LHFPL6: variants seen among roughly 807,000 people sequenced by gnomAD.
LHFPL6 encodes LHFPL tetraspan subfamily member 6.
A neutral mutation model predicts 20.6 loss-of-function variants in LHFPL6; 9 were observed. The ratio of observed to expected loss-of-function variants is 0.44; its 90% CI spans 0.26 to 0.76. The LOEUF is 0.76. LHFPL6 is among the 30% of genes least tolerant of loss of function. The probability of loss-of-function intolerance (pLI) is 0.20; values close to 1 mark genes in which losing one functional copy is unlikely to be tolerated. For missense variants in LHFPL6, 218 were observed against 253.5 expected (o/e 0.86, Z 0.95); for synonymous variants, 105 against 98.7 (o/e 1.06, Z -0.38).
At chr13:39,365,446 T>C (rs1205346165) in intron 3 of LHFPL6, among the ~76,000 whole-genome samples, 5 of 152,170 alleles carry the variant, frequency 3.3e-5, no homozygotes, top group African/African-American at 1.2e-4. Context: ...TCCTTGATGA[T>C]CCCTTTTTGC....
At chr13:39,536,478 C>G (rs533641103) in intron 2 of LHFPL6, among the ~76,000 whole-genome samples, 4 of 152,288 alleles carry the variant, frequency 2.6e-5, no homozygotes, top group Non-Finnish European at 4.4e-5. Context: ...TCACTAGATT[C>G]AGCCTTCCTG....
At chr13:39,584,179 C>G (rs2138542338) in intron 2 of LHFPL6, among the ~76,000 whole-genome samples, 1 of 152,276 alleles carries the variant, frequency 6.6e-6, no homozygotes, top group East Asian at 1.9e-4. Flanking sequence ...TTCTGAGCAG[C>G]AATGTATCTC....
In LHFPL6 at chr13:39,426,057, A is replaced by G. The variant is rs185546188; in HGVS notation, c.386-47531T>C. On this transcript the variant is annotated intron_variant, in intron 2 of 3. Coordinates refer to ENST00000379589, the MANE Select transcript of LHFPL6 (RefSeq NM_005780.3). The stretch of plus-strand genomic sequence containing the variant: ...TCACTATTTTTATGTGTACAAGTGA[A>G]TGGCATTAAATAGATTTGCAATATT... 1.4e-4 allele frequency among the ~76,000 whole-genome samples: 22 copies of G among 152,280 alleles called. No homozygotes were observed. In the East Asian group the frequency reaches 4.1e-3, roughly 28 times the overall value.
At chr13:39,431,345 A>T (rs7329152) in intron 2 of LHFPL6, among the ~76,000 whole-genome samples, 2 of 151,814 alleles carry the variant, frequency 1.3e-5, no homozygotes, top group Non-Finnish European at 2.9e-5. Context: ...AACAAACTCC[A>T]GACACACCAT....
chr13:39,585,760 G>A (rs1159006850), intron 2 of LHFPL6, among the ~76,000 whole-genome samples: 7 of 152,072 alleles, frequency 4.6e-5, no homozygotes, highest in African/African-American at 1.7e-4. Context: ...GCCTCCTTTG[G>A]TTCTGAGGGC....
At chr13:39,421,763 A>AG (rs1277868738) in intron 2 of LHFPL6, among the ~76,000 whole-genome samples, 1 of 151,528 alleles carries the variant, frequency 6.6e-6, no homozygotes, top group Non-Finnish European at 1.5e-5. Context: ...AGAGGATGGA[A>AG]AAGGCTGAAA....
Position 39,343,799 on chromosome 13 carries a change from A to AT in LHFPL6, c.*136dup, listed in dbSNP as rs1331874461. 1 of 589,996 alleles carries AT rather than the reference A, an allele frequency of 1.7e-6. No individual in the cohort carries two copies. The highest frequency in any genetic ancestry group is 2.7e-5 in the Admixed American group (1 of 37,138). The allele number at this position is 589,996 out of a possible 1,614,324, so 36.5% of individuals were successfully genotyped here. A position where few individuals can be genotyped will look rare whatever the true frequency, so the allele number is the denominator to read the frequency against. On this transcript the variant is annotated 3_prime_UTR_variant, in exon 4 of 4. Coordinates refer to ENST00000379589, the MANE Select transcript of LHFPL6 (RefSeq NM_005780.3). ...CCTTCCTTCCTATATCATGTTCCTG[A>AT]TTTTATCGGGTTTCATTTTATTAGC...
At chr13:39,503,068 T>C (rs1869350862) in intron 2 of LHFPL6, among the ~76,000 whole-genome samples, 1 of 152,102 alleles carries the variant, frequency 6.6e-6, no homozygotes, top group African/African-American at 2.4e-5. Flanking sequence ...AATAAATGCA[T>C]TTTCAATTAC....
intron 2 of LHFPL6, among the ~76,000 whole-genome samples, chr13:39,389,259 G>C (rs1417764910): frequency 6.6e-6 from 1 of 152,174 alleles, no homozygotes; most frequent in Non-Finnish European, 1.5e-5. Flanking sequence ...ACTGGGTGGG[G>C]AACTAGTGGG....
intron 2 of LHFPL6, among the ~76,000 whole-genome samples, chr13:39,418,382 CTT>C (rs71077297): frequency 5.4e-5 from 7 of 129,738 alleles, no homozygotes; most frequent in East Asian, 3.1e-4. Flanking sequence ...TTTTTTTGGT[CTT>C]TTTTTTTTTT....
At chr13:39,421,963 C>A (rs1871501456) in intron 2 of LHFPL6, among the ~76,000 whole-genome samples, 1 of 152,186 alleles carries the variant, frequency 6.6e-6, no homozygotes, top group East Asian at 1.9e-4. Context: ...AGCCCAGTAA[C>A]ACAAAGAATG....
intron 2 of LHFPL6, among the ~76,000 whole-genome samples, chr13:39,417,054 G>A (rs144778532): frequency 2.3e-3 from 349 of 152,310 alleles, no homozygotes; most frequent in Non-Finnish European, 3.9e-3. Flanking sequence ...CGAAGGTGTA[G>A]GGAGACTCCT....
chr13:39,441,064 A>G (rs1311400066), intron 2 of LHFPL6, among the ~76,000 whole-genome samples: 2 of 151,808 alleles, frequency 1.3e-5, no homozygotes, highest in East Asian at 3.9e-4. Context: ...TGTCTTTAAC[A>G]GCAGCATGAA....
At chr13:39,356,961 G>T (rs560504465) in intron 3 of LHFPL6, among the ~76,000 whole-genome samples, 2 of 152,314 alleles carry the variant, frequency 1.3e-5, no homozygotes, top group South Asian at 4.1e-4. Context: ...CTTGAGCTCA[G>T]AAGTTCGAGA....
intron 3 of LHFPL6, among the ~76,000 whole-genome samples, chr13:39,359,009 A>G (rs556836881): frequency 3.9e-5 from 6 of 152,166 alleles, no homozygotes; most frequent in African/African-American, 1.4e-4. Context: ...CATCTCTACT[A>G]AAAATACAAA....
At chr13:39,386,555 T>C (rs1403272780) in intron 2 of LHFPL6, among the ~76,000 whole-genome samples, 1 of 152,208 alleles carries the variant, frequency 6.6e-6, no homozygotes, top group East Asian at 1.9e-4. Context: ...TCTCAATGCT[T>C]GGACATAAGT....
chr13:39,584,565 G>A (rs1447488261), intron 2 of LHFPL6, among the ~76,000 whole-genome samples: 1 of 146,118 alleles, frequency 6.8e-6, no homozygotes, highest in Non-Finnish European at 1.5e-5. Context: ...TTTTCTTTAT[G>A]TTTTTATATC....
intron 2 of LHFPL6, among the ~76,000 whole-genome samples, chr13:39,546,566 G>T (rs1473214925): frequency 1.3e-5 from 2 of 152,058 alleles, no homozygotes; most frequent in African/African-American, 4.8e-5. Flanking sequence ...AGCCATCTGG[G>T]TTTTACAACC....
chr13:39,483,570 T>C (rs1172869785), intron 2 of LHFPL6, among the ~76,000 whole-genome samples: 1 of 151,774 alleles, frequency 6.6e-6, no homozygotes, highest in African/African-American at 2.4e-5. Flanking sequence ...AATGATACCA[T>C]GAAACACACA....
Sources: allele counts gnomAD v4.1 joint callset (sites outside exome capture counted in the v4.1 genomes callset), GRCh38; gene constraint gnomAD v4.1.1; transcripts MANE v1.5; gene names NCBI Gene and HGNC (gene_info 2026-07-23, HGNC 2026-07-21).